NALCN: variants seen among roughly 807,000 people sequenced by gnomAD.
NALCN encodes sodium leak channel, non-selective.
Under a neutral mutation model 225.3 loss-of-function variants are expected in NALCN, and 111 were observed. The observed-to-expected ratio is 0.49, with a 90% CI of 0.42 to 0.58. The LOEUF (loss-of-function observed/expected upper bound fraction) is 0.58. Among genes scored for constraint, NALCN ranks in the 20% least tolerant of loss-of-function variants. The pLI is 0.00. For missense variants in NALCN, 1,378 were observed against 2,202.4 expected, an observed-to-expected ratio of 0.63 and a Z score of 7.49; for synonymous variants, 764 against 769.0, an observed-to-expected ratio of 0.99 and a Z score of 0.11.
intron 3 of NALCN, among the ~76,000 whole-genome samples, chr13:101,381,203 T>C (rs1428046855): frequency 1.3e-5 from 2 of 152,110 alleles, no homozygotes; most frequent in Admixed American, 6.6e-5. Flanking sequence ...CCTTATTAAA[T>C]TGTGTGATTA....
intron 11 of NALCN, among the ~76,000 whole-genome samples, chr13:101,244,274 C>T (rs968837379): frequency 1.8e-4 from 27 of 151,980 alleles, no homozygotes; most frequent in African/African-American, 1.9e-4. Context: ...ATTATGTATA[C>T]ATACAATTAA....
rs762707838 is a variant in NALCN at position 101,247,553 on chromosome 13, A to G, written c.1267-9631T>C. On this transcript the variant is annotated intron_variant, in intron 11 of 43. Coordinates refer to ENST00000251127, the MANE Select transcript of NALCN (RefSeq NM_052867.4). Reference sequence around the variant, plus strand: ...AATGAGAAAGAAAACAAAATTCTAAAATTCAAACTATGAATTTACTCTCAG... The same window carrying G: ...AATGAGAAAGAAAACAAAATTCTAAGATTCAAACTATGAATTTACTCTCAG... 6.8e-4 allele frequency among the ~76,000 whole-genome samples: 104 copies of G among 152,260 alleles called. 1 individual carries two copies. Among genetic ancestry groups the G allele is most frequent in the Non-Finnish European group, 1.1e-3 (72 of 68,018 alleles).
chr13:101,055,319 A>G lies in NALCN; in HGVS notation c.5193T>C (p.Ser1731=), dbSNP rs769412576. The G allele has an allele frequency of 4.3e-6, 7 of 1,613,336 alleles. No individual in the cohort carries two copies. In the East Asian group the frequency reaches 8.9e-5, roughly 21 times the overall value. The change falls in exon 44 of 44, where the codon AGT becomes AGC. Residue 1731 remains serine, a synonymous_variant. Coordinates refer to ENST00000251127, the MANE Select transcript of NALCN (RefSeq NM_052867.4). ...TRQLTVESDE[S]GDDLLDI is the part of the protein sequence containing the mutation. ...CCTAAATATCCAGAAGGTCATCCCC[A>G]CTTTCGTCGCTCTCCACAGTCAGCT...
At chr13:101,277,390 T>C (rs902906133) in intron 10 of NALCN, among the ~76,000 whole-genome samples, 2 of 152,182 alleles carry the variant, frequency 1.3e-5, no homozygotes, top group Non-Finnish European at 2.9e-5. Flanking sequence ...ACATAAAATA[T>C]ATGAAAATAC....
intron 6 of NALCN, among the ~76,000 whole-genome samples, chr13:101,353,023 T>C (rs1447402907): frequency 6.6e-6 from 1 of 152,188 alleles, no homozygotes; most frequent in African/African-American, 2.4e-5. Context: ...ACTATACAAC[T>C]TGAGCATTTT....
At chr13:101,342,920 T>C (rs1403522667) in intron 7 of NALCN, among the ~76,000 whole-genome samples, 3 of 152,212 alleles carry the variant, frequency 2.0e-5, no homozygotes, top group African/African-American at 7.2e-5. Flanking sequence ...CCAGAAATTT[T>C]ATAAGTGAAT....
At chr13:101,397,578 ATATGTG>A (rs1351414544) in intron 2 of NALCN, among the ~76,000 whole-genome samples, 1 of 151,420 alleles carries the variant, frequency 6.6e-6, no homozygotes, top group East Asian at 1.9e-4. Flanking sequence ...CATATAACAT[ATATGTG>A]TATGTGTAAT....
intron 13 of NALCN, among the ~76,000 whole-genome samples, chr13:101,225,576 C>T (rs2041110987): frequency 6.6e-6 from 1 of 152,132 alleles, no homozygotes; most frequent in South Asian, 2.1e-4. Context: ...TTATAAGAGT[C>T]GAAGACCAAT....
intron 20 of NALCN, among the ~76,000 whole-genome samples, chr13:101,108,999 C>G (rs1274257694): frequency 2.0e-5 from 3 of 152,152 alleles, no homozygotes; most frequent in African/African-American, 4.8e-5. Flanking sequence ...GGTAGGAAGT[C>G]TCTGAAGAAG....
At chr13:101,205,649 A>G (rs942063780) in intron 13 of NALCN, among the ~76,000 whole-genome samples, 5 of 152,160 alleles carry the variant, frequency 3.3e-5, no homozygotes, top group Non-Finnish European at 5.9e-5. Context: ...AATGCTCTTC[A>G]TAGAACAGAC....
At chr13:101,124,808 A>T (rs776012185) in intron 17 of NALCN, 127 bp from the exon 18 acceptor site, 1 of 854,762 alleles carries the variant, frequency 1.2e-6, no homozygotes, top group Non-Finnish European at 1.8e-6. Context: ...ATCATCGTAC[A>T]ATTGACAATT....
At chr13:101,179,766 G>C (rs553218802) in intron 14 of NALCN, among the ~76,000 whole-genome samples, 1 of 152,098 alleles carries the variant, frequency 6.6e-6, no homozygotes, top group Non-Finnish European at 1.5e-5. Context: ...CACCGTGCAC[G>C]GAGTTGGTAG....
At chr13:101,142,741 A>G (rs2037148815) in intron 17 of NALCN, 1 of 317,720 alleles carries the variant, frequency 3.1e-6, no homozygotes, top group African/African-American at 2.2e-5. Context: ...AAGCAGTTGT[A>G]CTTGCAGGAG....
intron 7 of NALCN, among the ~76,000 whole-genome samples, chr13:101,304,558 C>T (rs560327402): frequency 7.2e-5 from 11 of 152,000 alleles, no homozygotes; most frequent in South Asian, 4.2e-4. Context: ...GGATTACAGG[C>T]GGATGAGGAG....
intron 7 of NALCN, among the ~76,000 whole-genome samples, chr13:101,308,544 C>G (rs1444437929): frequency 6.6e-6 from 1 of 152,184 alleles, no homozygotes; most frequent in Non-Finnish European, 1.5e-5. Context: ...AAGAAATCAA[C>G]TTGTGTCTTG....
intron 14 of NALCN, among the ~76,000 whole-genome samples, chr13:101,178,981 A>C (rs895071805): frequency 2.0e-5 from 3 of 152,268 alleles, no homozygotes; most frequent in African/African-American, 7.2e-5. Flanking sequence ...TTTATTCTTA[A>C]TTATATCCCC....
Position 101,415,406 on chromosome 13 carries a change from A to C in NALCN, c.-40+907T>G, listed in dbSNP as rs530432377. ...AAGAGTAAAACCTTCTGAGGCCTGAAAGTGAGCGTGTATTCACACATCCTT... is the reference window on the plus strand; with the variant it reads ...AAGAGTAAAACCTTCTGAGGCCTGACAGTGAGCGTGTATTCACACATCCTT... On this transcript the variant is annotated intron_variant, in intron 1 of 43. Transcript: ENST00000251127. Among the ~76,000 whole-genome samples the C allele has an allele frequency of 7.2e-5, 11 of 152,142 alleles. No homozygotes were observed. In the South Asian group the frequency reaches 1.7e-3, roughly 23 times the overall value.
At chr13:101,319,789 C>T (rs1382478815) in intron 7 of NALCN, among the ~76,000 whole-genome samples, 1 of 151,886 alleles carries the variant, frequency 6.6e-6, no homozygotes, top group African/African-American at 2.4e-5. Context: ...AATGTGGACT[C>T]ATATCAGGAA....
intron 25 of NALCN, among the ~76,000 whole-genome samples, chr13:101,103,884 A>G (rs924829173): frequency 6.6e-6 from 1 of 152,194 alleles, no homozygotes; most frequent in Admixed American, 6.6e-5. Flanking sequence ...ATCAGGAGAG[A>G]GATACAATCA....
Sources: gnomAD v4.1 joint callset for allele counts (sites outside exome capture counted in the v4.1 genomes callset) on GRCh38, gnomAD v4.1.1 for gene constraint, MANE v1.5 for transcripts, NCBI Gene and HGNC (gene_info 2026-07-23, HGNC 2026-07-21) for gene names.